ARHGAP5: variants seen among roughly 807,000 people sequenced by gnomAD.
The protein encoded by ARHGAP5 is rho GTPase-activating protein 5.
A neutral mutation model predicts 116.6 loss-of-function variants in ARHGAP5; 23 were observed. The ratio of observed to expected loss-of-function variants is 0.20; its 90% confidence interval spans 0.14 to 0.28. The LOEUF is 0.28. ARHGAP5 is among the 10% of genes least tolerant of loss of function. ARHGAP5 has a pLI of 1.00. For synonymous variants in ARHGAP5, 574 were observed against 602.0 expected (o/e 0.95, Z 0.68); for missense variants, 1,405 against 1,774.8 (o/e 0.79, Z 3.74).
chr14:32,100,271 C>A (rs1181520183), intron 2 of ARHGAP5, among the ~76,000 whole-genome samples: 1 of 152,098 alleles, frequency 6.6e-6, no homozygotes, highest in Admixed American at 6.6e-5. Context: ...TACCATCGAG[C>A]TCACTGCAGT....
chr14:32,114,929 C>A (rs1044340460), intron 2 of ARHGAP5, among the ~76,000 whole-genome samples: 1 of 152,154 alleles, frequency 6.6e-6, no homozygotes, highest in African/African-American at 2.4e-5. Context: ...AAAATGATAC[C>A]TTTTTGTCCA....
chr14:32,090,619 G>C lies in ARHGAP5; in HGVS notation c.-51G>C. On this transcript the variant is annotated 5_prime_UTR_variant, in exon 2 of 7. An upstream start codon of the reference 5' UTR is lost. Transcript: ENST00000345122. ...TTTGAGATGATTTTATTTTCAGAATGAGAAGCATATCTGGTTACCTTTATG... is the reference window on the plus strand; with the variant it reads ...TTTGAGATGATTTTATTTTCAGAATCAGAAGCATATCTGGTTACCTTTATG... 6 of 1,438,766 alleles carry C rather than the reference G, an allele frequency of 4.2e-6. No homozygotes were observed. Among genetic ancestry groups the C allele is most frequent in the Non-Finnish European group, 4.7e-6 (5 of 1,065,392 alleles). 89.1% of individuals were successfully genotyped at this position (1,438,766 alleles called of 1,614,324 possible).
intron 2 of ARHGAP5, among the ~76,000 whole-genome samples, chr14:32,115,767 C>T (rs553115175): frequency 9.9e-5 from 14 of 141,548 alleles, no homozygotes; most frequent in African/African-American, 3.5e-4. Context: ...GTCAGGAGTT[C>T]GAGACTAGCC....
In ARHGAP5 at chr14:32,157,932, A is replaced by C. The variant is rs968067521; in HGVS notation, c.*2984A>C. 2 of 151,422 alleles carry C rather than the reference A, an allele frequency of 1.3e-5. No individual in the cohort carries two copies. The highest frequency in any genetic ancestry group is 6.6e-5 in the Admixed American group (1 of 15,196). 9.4% of individuals were successfully genotyped at this position (151,422 alleles called of 1,614,324 possible). Reference sequence around the variant, plus strand: ...GGCCTTAGCTTCCATGGTGATTTTTAGTTTTTTATACAGTAATAATTGTGA... The same window carrying C: ...GGCCTTAGCTTCCATGGTGATTTTTCGTTTTTTATACAGTAATAATTGTGA... On this transcript the variant is annotated 3_prime_UTR_variant, in exon 7 of 7. Coordinates refer to ENST00000345122, the MANE Select transcript of ARHGAP5 (RefSeq NM_001030055.2).
intron 2 of ARHGAP5, among the ~76,000 whole-genome samples, chr14:32,103,598 G>T (rs930442225): frequency 1.3e-5 from 2 of 152,122 alleles, no homozygotes; most frequent in Non-Finnish European, 2.9e-5. Flanking sequence ...TATGTTAATG[G>T]ACAGTTGTTA....
chr14:32,135,431 T>G (rs972623790), intron 3 of ARHGAP5, among the ~76,000 whole-genome samples: 2 of 152,220 alleles, frequency 1.3e-5, no homozygotes, highest in Admixed American at 1.3e-4. Context: ...AGTTGTTTTT[T>G]TGTTTGTTTG....
chr14:32,091,751 G>C lies in ARHGAP5; in HGVS notation c.1082G>C (p.Trp361Ser). ...CTAGAAGAGATTGAACATTTGAATTGGTCAGAAGCTTTGAAGTTAATGGAA... is the reference window on the plus strand; with the variant it reads ...CTAGAAGAGATTGAACATTTGAATTCGTCAGAAGCTTTGAAGTTAATGGAA... ...PNLEEIEHLN[W>S]SEALKLMEKR... The change falls in exon 2 of 7, where the codon TGG becomes TCG. Residue 361 changes from tryptophan (W) to serine (S), a missense_variant. By Grantham distance (177) the Trp-to-Ser change is radical (BLOSUM62 -3). This residue lies in a region of ARHGAP5 where 944 missense variants were observed against 1,095.3 expected (regional missense o/e 0.86). Coordinates refer to ENST00000345122, the MANE Select transcript of ARHGAP5 (RefSeq NM_001030055.2). 1 of 1,613,512 alleles carries C rather than the reference G, an allele frequency of 6.2e-7. No individual in the cohort carries two copies. Among genetic ancestry groups the C allele is most frequent in the Non-Finnish European group, 8.5e-7 (1 of 1,179,622 alleles).
chr14:32,147,882 G>C (rs557528010), intron 4 of ARHGAP5, among the ~76,000 whole-genome samples: 1 of 152,332 alleles, frequency 6.6e-6, no homozygotes, highest in East Asian at 1.9e-4. Context: ...GCCAGTCACA[G>C]TGGCTCACCC....
Position 32,146,243 on chromosome 14 carries a change from A to G in ARHGAP5, c.3866-20A>G, listed in dbSNP as rs368544628. On this transcript the variant is annotated intron_variant, in intron 3 of 6. Coordinates refer to ENST00000345122, the MANE Select transcript of ARHGAP5 (RefSeq NM_001030055.2). ...TATATATGTGTTTATTAAAGTATGC[A>G]TATTTCTTTATTCTCTTAGGGTTAT... 1.4e-5 allele frequency: 22 copies of G among 1,560,686 alleles called. No homozygotes were observed. The African/African-American group carries it at 1.8e-4, about 12-fold the overall frequency.
intron 3 of ARHGAP5, among the ~76,000 whole-genome samples, chr14:32,126,077 T>A (rs1466447496): frequency 1.3e-5 from 2 of 152,220 alleles, no homozygotes; most frequent in African/African-American, 4.8e-5. Flanking sequence ...GAATGCTTTC[T>A]ATTTCTTTGT....
chr14:32,092,437 A>G lies in ARHGAP5; in HGVS notation c.1768A>G (p.Ser590Gly). 1 of 1,613,820 alleles carries G rather than the reference A, an allele frequency of 6.2e-7. No homozygotes were observed. Among genetic ancestry groups the G allele is most frequent in the Non-Finnish European group, 8.5e-7 (1 of 1,179,836 alleles). Residue 590 changes from serine (S) to glycine (G), a missense_variant, in exon 2 of 7, where the codon AGT becomes GGT. Around this residue, in one of 6 missense-constraint regions of ARHGAP5, gnomAD observed 944 missense variants for 1,095.3 expected, o/e 0.86. Coordinates refer to ENST00000345122, the MANE Select transcript of ARHGAP5 (RefSeq NM_001030055.2). The surrounding 1 kb of genome is among the most constrained non-coding windows in gnomAD (Gnocchi z 4.1). ...DHGRLRLYHDSTNIDKVNLFI... is the reference protein window; with the variant it reads ...DHGRLRLYHDGTNIDKVNLFI... ...TGGCCGCTTAAGATTATATCACGATAGTACCAATATAGATAAAGTTAACCT... is the reference window on the plus strand; with the variant it reads ...TGGCCGCTTAAGATTATATCACGATGGTACCAATATAGATAAAGTTAACCT...
At chr14:32,152,555 G>A in intron 6 of ARHGAP5, 27 bp downstream of exon 6, 1 of 1,384,340 alleles carries the variant, frequency 7.2e-7, no homozygotes, top group East Asian at 2.5e-5. Flanking sequence ...AGGGTTTTTT[G>A]GCAAATAAAA....
intron 2 of ARHGAP5, among the ~76,000 whole-genome samples, chr14:32,104,555 G>C (rs567272628): frequency 6.6e-6 from 1 of 152,286 alleles, no homozygotes; most frequent in East Asian, 1.9e-4. Flanking sequence ...TTAAAAAAGG[G>C]ATTAAATAAA....
chr14:32,158,721 T>C lies in ARHGAP5; in HGVS notation c.*3773T>C, dbSNP rs1258901015. ...GGAAGTTCTTAGCCTTTTCAGGTTA[T>C]GAAATACCTGAAAGTAAAATTTTCT... On this transcript the variant is annotated 3_prime_UTR_variant, in exon 7 of 7. Coordinates refer to ENST00000345122, the MANE Select transcript of ARHGAP5 (RefSeq NM_001030055.2). 6.6e-6 allele frequency: 1 copy of C among 152,068 alleles called. No homozygotes were observed. Among genetic ancestry groups the C allele is most frequent in the Non-Finnish European group, 1.5e-5 (1 of 67,902 alleles). 9.4% of individuals were successfully genotyped at this position (152,068 alleles called of 1,614,324 possible). A position where few individuals can be genotyped will look rare whatever the true frequency, so the allele number is the denominator to read the frequency against.
chr14:32,117,176 C>G lies in ARHGAP5; in HGVS notation c.3754C>G (p.Arg1252Gly). Residue 1252 changes from arginine to glycine, a missense_variant, in exon 3 of 7, where the codon CGT becomes GGT. Transcript: ENST00000345122. ...AACTAAGAACTTCAATCCACCAACA[C>G]GTAGAAATTGGGAAAGTAATTACTT... Reference protein sequence around the residue: ...KKTKNFNPPTRRNWESNYFGM... With the variant: ...KKTKNFNPPTGRNWESNYFGM... 6.2e-7 allele frequency: 1 copy of G among 1,611,160 alleles called. No individual in the cohort carries two copies. Among genetic ancestry groups the G allele is most frequent in the Non-Finnish European group, 8.5e-7 (1 of 1,178,446 alleles).
chr14:32,115,523 G>C (rs1463220600), intron 2 of ARHGAP5, among the ~76,000 whole-genome samples: 1 of 151,730 alleles, frequency 6.6e-6, no homozygotes, highest in African/African-American at 2.4e-5. Flanking sequence ...AAAATTAGCC[G>C]GGCGTGGTGG....
chr14:32,126,533 C>G (rs748712038), intron 3 of ARHGAP5, among the ~76,000 whole-genome samples: 1 of 152,212 alleles, frequency 6.6e-6, no homozygotes, highest in Admixed American at 6.5e-5. Flanking sequence ...CTTACCTTAA[C>G]TAACTACATC....
intron 3 of ARHGAP5, among the ~76,000 whole-genome samples, chr14:32,132,408 C>T (rs1284056697): frequency 1.3e-5 from 2 of 152,126 alleles, no homozygotes; most frequent in Admixed American, 1.3e-4. Context: ...TGTCCATGTC[C>T]TTTGCCCACT....
chr14:32,139,815 G>A (rs1880999596), intron 3 of ARHGAP5, among the ~76,000 whole-genome samples: 1 of 150,190 alleles, frequency 6.7e-6, no homozygotes, highest in Admixed American at 6.6e-5. Flanking sequence ...TTTTACAGAT[G>A]CAGGTTTCCG....
Sources: allele counts gnomAD v4.1 joint callset (sites outside exome capture counted in the v4.1 genomes callset), GRCh38; gene constraint gnomAD v4.1.1; regional missense constraint gnomAD v4.1.1; non-coding constraint Gnocchi (gnomAD v3.1); transcripts MANE v1.5; gene names NCBI Gene and HGNC (gene_info 2026-07-23, HGNC 2026-07-21).